The following RYR2 variants were observed in gnomAD, a reference collection of about 807,000 sequenced individuals.
RYR2 encodes cardiac muscle ryanodine receptor-calcium release channel.
Under a neutral mutation model 601.1 loss-of-function variants are expected in RYR2, and 227 were observed. The observed-to-expected ratio is 0.38, with a 90% CI of 0.34 to 0.42. RYR2 has a LOEUF of 0.42. Ranked by LOEUF, RYR2 falls within the 10% of genes least tolerant of loss-of-function variation. The pLI, the probability that RYR2 is intolerant of heterozygous loss-of-function variation, is 1.00. For missense variants in RYR2, 4,646 were observed against 6,156.5 expected (o/e 0.75, Z 8.21); for synonymous variants, 2,223 against 2,175.1 (o/e 1.02, Z -0.61).
At chr1:237,545,454 A>G (rs1669699196) in intron 25 of RYR2, among the ~76,000 whole-genome samples, 1 of 152,188 alleles carries the variant, frequency 6.6e-6, no homozygotes, top group African/African-American at 2.4e-5. Context: ...GGCTCCGATC[A>G]GTGATTCACA....
intron 24 of RYR2, among the ~76,000 whole-genome samples, chr1:237,520,250 A>G (rs1245476003): frequency 6.6e-6 from 1 of 152,190 alleles, no homozygotes; most frequent in Non-Finnish European, 1.5e-5. Context: ...TTGTCAGCAA[A>G]CAAGGATAAT....
At chr1:237,064,197 A>C (rs575490981) in intron 1 of RYR2, among the ~76,000 whole-genome samples, 1 of 151,564 alleles carries the variant, frequency 6.6e-6, no homozygotes, top group East Asian at 1.9e-4. Flanking sequence ...TTTTCTTTGT[A>C]CTTAATTCGG....
intron 5 of RYR2, among the ~76,000 whole-genome samples, chr1:237,368,264 TTATTC>T (rs1363656314): frequency 6.6e-6 from 1 of 152,204 alleles, no homozygotes; most frequent in Non-Finnish European, 1.5e-5. Flanking sequence ...CAATACATAT[TTATTC>T]TATACAGTTT....
intron 1 of RYR2, among the ~76,000 whole-genome samples, chr1:237,153,262 A>C (rs986954542): frequency 6.6e-6 from 1 of 152,216 alleles, no homozygotes; most frequent in African/African-American, 2.4e-5. Context: ...ATGAATTAGG[A>C]AGAATTAAAG....
intron 14 of RYR2, among the ~76,000 whole-genome samples, chr1:237,450,179 GAGT>G (rs1458341335): frequency 6.6e-6 from 1 of 152,100 alleles, no homozygotes; most frequent in Non-Finnish European, 1.5e-5. Flanking sequence ...TCCCTGCCTT[GAGT>G]AGTTTTCTCA....
chr1:237,735,123 A>G (rs2685296), intron 79 of RYR2, among the ~76,000 whole-genome samples: 141,026 of 152,268 alleles, frequency 0.93, 66,059 homozygotes, highest in Non-Finnish European at 1. Context: ...CTGCTGTGAG[A>G]TTGAGCAAGG....
chr1:237,599,188 A>G (rs1676220823), intron 34 of RYR2, among the ~76,000 whole-genome samples: 1 of 152,168 alleles, frequency 6.6e-6, no homozygotes, highest in Non-Finnish European at 1.5e-5. Flanking sequence ...GAAAAGTTGA[A>G]AGCTTTTTTT....
intron 56 of RYR2, among the ~76,000 whole-genome samples, chr1:237,662,242 T>A (rs557005466): frequency 1.3e-5 from 2 of 152,122 alleles, no homozygotes; most frequent in Non-Finnish European, 2.9e-5. Context: ...TATAAAAGTG[T>A]ATTTTATCTA....
At chr1:237,773,463 T>A in intron 86 of RYR2, 57 bp from the exon 87 acceptor site, 2 of 1,325,384 alleles carry the variant, frequency 1.5e-6, no homozygotes, top group Non-Finnish European at 2.2e-6. Context: ...GACTGGTTAG[T>A]CAATGGTAAC....
At chr1:237,598,947 G>A (rs1315503133) in intron 34 of RYR2, among the ~76,000 whole-genome samples, 5 of 152,018 alleles carry the variant, frequency 3.3e-5, no homozygotes. Context: ...TTGAAAAGAA[G>A]ACATTACAAC....
chr1:237,365,797 G>A (rs145660211), intron 5 of RYR2, among the ~76,000 whole-genome samples: 3 of 152,262 alleles, frequency 2.0e-5, no homozygotes, highest in East Asian at 1.9e-4. Flanking sequence ...TGAAATGGTC[G>A]CCTGAAACAG....
At chr1:237,667,631 T>C (rs1684441119) in intron 57 of RYR2, among the ~76,000 whole-genome samples, 1 of 152,246 alleles carries the variant, frequency 6.6e-6, no homozygotes, top group Non-Finnish European at 1.5e-5. Context: ...GGTTTCATTA[T>C]TGAATTAATG....
Position 237,388,179 on chromosome 1 carries a change from C to A in RYR2, c.769C>A (p.Arg257=), listed in dbSNP as rs750477551. The change falls in exon 10 of 105, where the codon CGG becomes AGG. Residue 257 remains arginine, a synonymous_variant. Transcript: ENST00000366574. ...TTCAGGAGAACATGGTGAAGAGCAG[C>A]GGAGGTTAGTACCTGAGCTCATTGC... is the stretch of plus-strand genomic sequence containing the variant. The part of the protein sequence containing the change: ...VPSGEHGEEQ[R]RTVHYEGGAV... 3 of 1,613,328 alleles carry A rather than the reference C, an allele frequency of 1.9e-6. No homozygotes were observed. Among genetic ancestry groups the A allele is most frequent in the Non-Finnish European group, 2.5e-6 (3 of 1,179,602 alleles).
At chr1:237,273,890 G>C (rs1043766924) in intron 2 of RYR2, among the ~76,000 whole-genome samples, 1 of 145,868 alleles carries the variant, frequency 6.9e-6, no homozygotes, top group Admixed American at 6.9e-5. Flanking sequence ...TATTATAAAT[G>C]ATATAATAAA....
At chr1:237,209,526 T>C (rs572880071) in intron 1 of RYR2, among the ~76,000 whole-genome samples, 1 of 151,934 alleles carries the variant, frequency 6.6e-6, no homozygotes, top group South Asian at 2.1e-4. Context: ...TTTTTTTTTT[T>C]TCTTTGGGAA....
intron 11 of RYR2, among the ~76,000 whole-genome samples, chr1:237,419,153 CA>C (rs1241036894): frequency 6.6e-6 from 1 of 151,962 alleles, no homozygotes; most frequent in Non-Finnish European, 1.5e-5. Flanking sequence ...ACTATAAGTG[CA>C]GTTTCGAGAG....
rs868091154 is a variant in RYR2 at position 237,566,446 on chromosome 1, C to G, written c.3215-121C>G. The G allele has an allele frequency of 3.6e-5, 36 of 997,114 alleles. No individual in the cohort carries two copies. The African/African-American group carries it at 4.6e-4, about 13-fold the overall frequency. The allele number at this position is 997,114 out of a possible 1,614,324, so 61.8% of individuals were successfully genotyped here. Reference sequence around the variant, plus strand: ...GAAGATAAGAAGGTATCATTATCATCATCGCTCTAGGTTGAATTACTAAAG... The same window carrying G: ...GAAGATAAGAAGGTATCATTATCATGATCGCTCTAGGTTGAATTACTAAAG... On this transcript the variant is annotated intron_variant, in intron 27 of 104. Coordinates refer to ENST00000366574, the MANE Select transcript of RYR2 (RefSeq NM_001035.3).
intron 10 of RYR2, among the ~76,000 whole-genome samples, chr1:237,393,345 C>A (rs1341787371): frequency 3.3e-5 from 5 of 152,176 alleles, no homozygotes; most frequent in Non-Finnish European, 7.3e-5. Context: ...TTTTTACCTC[C>A]ATGCCCCCTT....
At chr1:237,175,185 A>C (rs1413890579) in intron 1 of RYR2, among the ~76,000 whole-genome samples, 1 of 152,236 alleles carries the variant, frequency 6.6e-6, no homozygotes, top group Non-Finnish European at 1.5e-5. Context: ...CAGATATATT[A>C]TGTACCATAT....
Sources: allele counts gnomAD v4.1 joint callset (sites outside exome capture counted in the v4.1 genomes callset), GRCh38; gene constraint gnomAD v4.1.1; transcripts MANE v1.5; gene names NCBI Gene and HGNC (gene_info 2026-07-23, HGNC 2026-07-21).